PXYLP1: variants seen among roughly 807,000 people sequenced by gnomAD.
PXYLP1 encodes acid phosphatase-like 2.
In PXYLP1, 17 loss-of-function variants were observed where a neutral mutation model predicts 37.9. The observed-to-expected ratio is 0.45, with a 90% confidence interval of 0.31 to 0.67. The LOEUF (loss-of-function observed/expected upper bound fraction) is 0.67, where lower values mean the gene tolerates loss of function less well. PXYLP1 is among the 30% of genes least tolerant of loss of function. PXYLP1 has a pLI of 0.07. For missense variants in PXYLP1, 511 were observed against 612.0 expected (o/e 0.84, Z 1.74); for synonymous variants, 221 against 232.2 (o/e 0.95, Z 0.44).
intron 1 of PXYLP1, among the ~76,000 whole-genome samples, chr3:141,234,550 A>G (rs1511386): frequency 0.84 from 127,792 of 152,178 alleles, 54,117 homozygotes; most frequent in African/African-American, 0.95. Context: ...TCCTGTGGCG[A>G]GCTGGGAGTG....
Position 141,294,288 on chromosome 3 carries a change from CT to C in PXYLP1, c.*1085del, listed in dbSNP as rs1942300551. The C allele has an allele frequency of 3.3e-5, 5 of 152,186 alleles. No individual in the cohort carries two copies. In the South Asian group the frequency reaches 1.0e-3, roughly 31 times the overall value. The allele number at this position is 152,186 out of a possible 1,614,324, so 9.4% of individuals were successfully genotyped here. A position where few individuals can be genotyped will look rare whatever the true frequency, so the allele number is the denominator to read the frequency against. On this transcript the variant is annotated 3_prime_UTR_variant, in exon 6 of 6. Transcript: ENST00000286353. ...GCTAGAAGATGAATTCAGGCACTTTCTTCCAATAAAACTAATTATGGCTCAT... is the reference window on the plus strand; with the variant it reads ...GCTAGAAGATGAATTCAGGCACTTTCTCCAATAAAACTAATTATGGCTCAT...
chr3:141,265,288 C>T (rs980625262), intron 2 of PXYLP1, among the ~76,000 whole-genome samples: 14 of 151,340 alleles, frequency 9.3e-5, no homozygotes, highest in African/African-American at 2.2e-4. Context: ...TTTTCCAAAG[C>T]ACCTTCATCA....
chr3:141,241,656 C>T (rs923249087), intron 1 of PXYLP1, among the ~76,000 whole-genome samples: 4 of 152,186 alleles, frequency 2.6e-5, no homozygotes, highest in African/African-American at 9.6e-5. Context: ...GTGCCAGAGT[C>T]GTGCGAGATG....
intron 1 of PXYLP1, among the ~76,000 whole-genome samples, chr3:141,246,319 A>G (rs548394330): frequency 6.6e-6 from 1 of 152,356 alleles, no homozygotes; most frequent in East Asian, 1.9e-4. Flanking sequence ...GGTCAGTCGC[A>G]GGAGACAGCC....
chr3:141,262,584 A>G (rs894835355), intron 2 of PXYLP1: 24 of 1,420,280 alleles, frequency 1.7e-5, no homozygotes, highest in African/African-American at 2.9e-5. Flanking sequence ...TGTTTTAGGA[A>G]AGCCAATTTT....
At chr3:141,242,112 G>A (rs1940816277) in intron 1 of PXYLP1, among the ~76,000 whole-genome samples, 1 of 152,180 alleles carries the variant, frequency 6.6e-6, no homozygotes, top group Non-Finnish European at 1.5e-5. Context: ...TTGGCTTATA[G>A]TTTTTTTCTC....
rs1485034801 is a variant in PXYLP1 at position 141,248,508 on chromosome 3, TATATAC to T, written c.-53-11613_-53-11608del. On this transcript the variant is annotated intron_variant, in intron 1 of 5. Transcript: ENST00000286353. ...ATGTGTGCGTGTGTGTATATATATA[TATATAC>T]ACACACACACACGTATATATATACA... Among the ~76,000 whole-genome samples, 243 of 129,646 alleles carry T rather than the reference TATATAC, an allele frequency of 1.9e-3. 1 individual carries two copies. Among genetic ancestry groups the T allele is most frequent in the African/African-American group, 8.4e-3 (234 of 27,898 alleles). The allele number at this position is 129,646 out of a possible 152,430, so 85.1% of individuals were successfully genotyped here.
chr3:141,280,877 A>G (rs749769418), intron 4 of PXYLP1, among the ~76,000 whole-genome samples: 9 of 152,232 alleles, frequency 5.9e-5, no homozygotes, highest in Admixed American at 1.3e-4. Context: ...TGAACCAAGC[A>G]CTAGCTGGCG....
At chr3:141,260,674 A>C (rs574382145) in intron 2 of PXYLP1, among the ~76,000 whole-genome samples, 1 of 152,296 alleles carries the variant, frequency 6.6e-6, no homozygotes, top group Non-Finnish European at 1.5e-5. Flanking sequence ...CACCAGTATC[A>C]AACCCACCCC....
chr3:141,268,444 G>A (rs574401854), intron 2 of PXYLP1, among the ~76,000 whole-genome samples: 10 of 152,282 alleles, frequency 6.6e-5, no homozygotes, highest in Admixed American at 5.2e-4. Context: ...GGCAGGCAGA[G>A]TGTGCGCCTG....
chr3:141,246,236 GAA>G (rs1214516184), intron 1 of PXYLP1, among the ~76,000 whole-genome samples: 1 of 152,206 alleles, frequency 6.6e-6, no homozygotes, highest in Non-Finnish European at 1.5e-5. Flanking sequence ...CCAGTTTTCA[GAA>G]ATGTTCTGAC....
intron 2 of PXYLP1, chr3:141,262,351 C>T (rs1941411590): frequency 9.8e-7 from 1 of 1,018,198 alleles, no homozygotes; most frequent in Non-Finnish European, 1.2e-6. Context: ...GTAAGATATT[C>T]AGTAGTTTAA....
chr3:141,267,768 A>T (rs1282334437), intron 2 of PXYLP1, among the ~76,000 whole-genome samples: 2 of 152,174 alleles, frequency 1.3e-5, no homozygotes, highest in Non-Finnish European at 2.9e-5. Flanking sequence ...GAATGGACAC[A>T]TTTATGTCTG....
chr3:141,293,076 C>T lies in PXYLP1; in HGVS notation c.1314C>T (p.His438=), dbSNP rs377648874. 2.5e-6 allele frequency: 4 copies of T among 1,614,218 alleles called. No homozygotes were observed. Among genetic ancestry groups the T allele is most frequent in the South Asian group, 1.1e-5 (1 of 91,086 alleles). The part of the protein sequence containing the change: ...VTFHTSFCQD[H]HKRSPKPMCP... ...TCCACACCTCTTTCTGCCAAGACCA[C>T]CACAAGCGTTCTCCCAAGCCCATGT... The change falls in exon 6 of 6, where the codon CAC becomes CAT. Residue 438 remains histidine (H), a synonymous_variant. Coordinates refer to ENST00000286353, the MANE Select transcript of PXYLP1 (RefSeq NM_001037172.3).
intron 1 of PXYLP1, among the ~76,000 whole-genome samples, chr3:141,249,030 C>G (rs1000978762): frequency 2.0e-5 from 3 of 152,050 alleles, no homozygotes; most frequent in African/African-American, 7.2e-5. Flanking sequence ...CCAGCAGTGG[C>G]TACACACACT....
In PXYLP1 at chr3:141,242,194, G is replaced by A. The variant is rs138050809; in HGVS notation, c.-54+10283G>A. Among the ~76,000 whole-genome samples the A allele has an allele frequency of 6.6e-3, 1,000 of 152,170 alleles. 11 individuals carry two copies. Among genetic ancestry groups the A allele is most frequent in the African/African-American group, 0.022 (919 of 41,506 alleles). ...CTGGTTGTGCTTGTTACTCACCCCCGCCCCAGGCTCATACATGCCCTCGAG... is the reference window on the plus strand; with the variant it reads ...CTGGTTGTGCTTGTTACTCACCCCCACCCCAGGCTCATACATGCCCTCGAG... On this transcript the variant is annotated intron_variant, in intron 1 of 5. Transcript: ENST00000286353.
intron 1 of PXYLP1, among the ~76,000 whole-genome samples, chr3:141,243,742 G>A (rs1395696314): frequency 1.3e-5 from 2 of 152,196 alleles, no homozygotes; most frequent in East Asian, 1.9e-4. Flanking sequence ...AGTGGGGCAC[G>A]AGGCCCCTCC....
At chr3:141,259,030 C>G (rs1941328470) in intron 1 of PXYLP1, among the ~76,000 whole-genome samples, 1 of 152,166 alleles carries the variant, frequency 6.6e-6, no homozygotes, top group Admixed American at 6.5e-5. Context: ...AGGCAAGGGG[C>G]TCTGGGAGTC....
At chr3:141,260,352 G>C in intron 2 of PXYLP1, 98 bp downstream of exon 2, 1 of 1,335,676 alleles carries the variant, frequency 7.5e-7, no homozygotes, top group Non-Finnish European at 1.0e-6. Flanking sequence ...TGATGAGGCT[G>C]AAGACAACGA....
Sources: gnomAD v4.1 joint callset for allele counts (sites outside exome capture counted in the v4.1 genomes callset) on GRCh38, gnomAD v4.1.1 for gene constraint, MANE v1.5 for transcripts, NCBI Gene and HGNC (gene_info 2026-07-23, HGNC 2026-07-21) for gene names.